MBD2: variants seen among roughly 807,000 people sequenced by gnomAD.
MBD2 encodes the protein methyl-CpG binding domain protein 2, also known as methyl-CpG-binding domain protein 2.
In MBD2, 9 loss-of-function variants were observed where a neutral mutation model predicts 39.3. That is an observed-to-expected ratio of 0.23 (90% CI 0.14 to 0.40). The LOEUF (loss-of-function observed/expected upper bound fraction) is 0.40. Ranked by LOEUF, MBD2 falls within the 10% of genes least tolerant of loss-of-function variation. MBD2 has a pLI of 1.00. For missense variants in MBD2, 458 were observed against 532.6 expected, an observed-to-expected ratio of 0.86 and a Z score of 1.38; for synonymous variants, 233 against 211.1, an observed-to-expected ratio of 1.10 and a Z score of -0.90.
intron 2 of MBD2, among the ~76,000 whole-genome samples, chr18:54,198,164 T>A (rs2086380109): frequency 6.6e-6 from 1 of 152,192 alleles, no homozygotes; most frequent in East Asian, 1.9e-4. Context: ...ATCAGAATGG[T>A]CCTACCACAG....
At chr18:54,164,146 A>G (rs961604344) in intron 5 of MBD2, among the ~76,000 whole-genome samples, 4 of 152,190 alleles carry the variant, frequency 2.6e-5, no homozygotes, top group African/African-American at 9.7e-5. Flanking sequence ...TCGGCCTCCC[A>G]AAGTGCTGGG....
At chr18:54,159,960 ATCT>A in intron 5 of MBD2, 57 bp from the exon 6 acceptor site, 9 of 1,567,034 alleles carry the variant, frequency 5.7e-6, no homozygotes, top group Non-Finnish European at 7.8e-6. Context: ...GACAATATGA[ATCT>A]GCTACAGAAG....
intron 1 of MBD2, among the ~76,000 whole-genome samples, chr18:54,207,004 C>A (rs1410654944): frequency 6.6e-6 from 1 of 152,210 alleles, no homozygotes; most frequent in Non-Finnish European, 1.5e-5. Flanking sequence ...CTTTATTCTC[C>A]AAGCTAGAAG....
chr18:54,211,081 C>T lies in MBD2; in HGVS notation c.543-5924G>A, dbSNP rs946167254. ...AGAGACGGGGTTTCACCGTTTTAGC[C>T]GGGATGGTCTCGATCTCCTGACCTC... On this transcript the variant is annotated intron_variant, in intron 1 of 6. Coordinates refer to ENST00000256429, the MANE Select transcript of MBD2 (RefSeq NM_003927.5). 5.3e-5 allele frequency among the ~76,000 whole-genome samples: 8 copies of T among 151,298 alleles called. No individual in the cohort carries two copies. The Middle Eastern group carries it at 0.014, about 257-fold the overall frequency.
intron 2 of MBD2, chr18:54,203,216 G>A: frequency 2.2e-6 from 3 of 1,379,824 alleles, no homozygotes; most frequent in Non-Finnish European, 2.0e-6. Flanking sequence ...CTAAACTGTG[G>A]TTCTGGTAAC....
intron 2 of MBD2, among the ~76,000 whole-genome samples, chr18:54,195,977 G>A (rs1376066066): frequency 1.3e-5 from 2 of 152,048 alleles, no homozygotes; most frequent in African/African-American, 2.4e-5. Context: ...GAATATATAC[G>A]GTAGTCCATA....
intron 2 of MBD2, among the ~76,000 whole-genome samples, chr18:54,202,285 C>T (rs908653966): frequency 2.7e-5 from 4 of 150,320 alleles, no homozygotes; most frequent in Non-Finnish European, 4.5e-5. Flanking sequence ...CCAACATCAC[C>T]CCACTGCACT....
Position 54,188,847 on chromosome 18 carries a change from A to G in MBD2, c.840+27T>C, listed in dbSNP as rs1211097162. ...AATACCAGCATTTTTCTGAAAAATA[A>G]GATTGGAGAACGAATTAGATCCTTA... On this transcript the variant is annotated intron_variant, in intron 3 of 6. Transcript: ENST00000256429. 7 of 1,566,502 alleles carry G rather than the reference A, an allele frequency of 4.5e-6. No homozygotes were observed. In the African/African-American group the frequency reaches 5.4e-5, roughly 12 times the overall value.
intron 2 of MBD2, among the ~76,000 whole-genome samples, chr18:54,195,561 A>G (rs1178533570): frequency 1.3e-5 from 2 of 152,104 alleles, no homozygotes; most frequent in Non-Finnish European, 1.5e-5. Flanking sequence ...AATAATAGCT[A>G]TTGGATAAAA....
intron 4 of MBD2, 64 bp downstream of exon 4, chr18:54,166,012 A>G (rs2086129015): frequency 2.7e-6 from 3 of 1,127,598 alleles, no homozygotes; most frequent in Non-Finnish European, 4.0e-6. Context: ...CACAGCATCT[A>G]ACAGAGTGCC....
intron 2 of MBD2, among the ~76,000 whole-genome samples, chr18:54,193,621 C>A (rs962757892): frequency 1.3e-5 from 2 of 151,888 alleles, no homozygotes; most frequent in Admixed American, 6.6e-5. Context: ...GGACAAAATA[C>A]ACAAAAATTA....
chr18:54,159,342 G>A (rs1355243225), intron 6 of MBD2, among the ~76,000 whole-genome samples: 2 of 151,976 alleles, frequency 1.3e-5, no homozygotes, highest in Non-Finnish European at 2.9e-5. Context: ...AGCACATGCA[G>A]AACCCGAGCA....
intron 6 of MBD2, 62 bp downstream of exon 6, chr18:54,159,703 A>G (rs950218196): frequency 3.2e-6 from 5 of 1,565,746 alleles, no homozygotes; most frequent in African/African-American, 1.3e-5. Context: ...AGGCAGAAGC[A>G]CTATGTCCGG....
chr18:54,191,443 C>T (rs531901135), intron 2 of MBD2, among the ~76,000 whole-genome samples: 24 of 152,296 alleles, frequency 1.6e-4, no homozygotes, highest in African/African-American at 5.8e-4. Context: ...CTAGAGTCTT[C>T]ATATAAAATC....
intron 2 of MBD2, among the ~76,000 whole-genome samples, chr18:54,197,059 G>A (rs1169051165): frequency 1.3e-5 from 2 of 152,120 alleles, no homozygotes; most frequent in Non-Finnish European, 1.5e-5. Context: ...TTCTGTATAC[G>A]AGAAAATTAG....
At chr18:54,219,307 A>G (rs905777452) in intron 1 of MBD2, among the ~76,000 whole-genome samples, 2 of 152,206 alleles carry the variant, frequency 1.3e-5, no homozygotes, top group African/African-American at 4.8e-5. Context: ...TTTTATCCCA[A>G]CACACCACCA....
intron 6 of MBD2, among the ~76,000 whole-genome samples, chr18:54,159,507 T>C (rs1015908526): frequency 5.9e-5 from 9 of 151,828 alleles, no homozygotes; most frequent in African/African-American, 2.2e-4. Flanking sequence ...AATTTCTGCC[T>C]CCCAGGCTCG....
chr18:54,190,943 T>C (rs1162743382), intron 2 of MBD2, among the ~76,000 whole-genome samples: 2 of 152,316 alleles, frequency 1.3e-5, no homozygotes, highest in African/African-American at 4.8e-5. Context: ...TGCAATACTC[T>C]TAACAAACAA....
intron 1 of MBD2, among the ~76,000 whole-genome samples, chr18:54,209,152 C>T (rs960507195): frequency 2.0e-5 from 3 of 151,764 alleles, no homozygotes; most frequent in Non-Finnish European, 4.4e-5. Context: ...AAAAATTAGC[C>T]CAGCGTGGCG....
Sources: allele counts gnomAD v4.1 joint callset (sites outside exome capture counted in the v4.1 genomes callset), GRCh38; gene constraint gnomAD v4.1.1; transcripts MANE v1.5; gene names NCBI Gene and HGNC (gene_info 2026-07-23, HGNC 2026-07-21).